The following TCERG1L variants were observed in gnomAD, a reference collection of about 807,000 sequenced individuals.
The protein encoded by TCERG1L is transcription elongation regulator 1 like.
TCERG1L carries 37 observed loss-of-function variants against 56.3 expected under a neutral mutation model. The observed-to-expected ratio is 0.66, with a 90% CI of 0.51 to 0.87. The LOEUF is 0.87. Ranked by LOEUF, TCERG1L falls within the 40% of genes least tolerant of loss-of-function variation. The pLI, the probability that TCERG1L is intolerant of heterozygous loss-of-function variation, is 0.00. For synonymous variants in TCERG1L, 324 were observed against 326.3 expected (o/e 0.99, Z 0.08); for missense variants, 799 against 774.2 (o/e 1.03, Z -0.38).
At chr10:131,187,502 C>T (rs149951074) in intron 4 of TCERG1L, among the ~76,000 whole-genome samples, 4,248 of 152,238 alleles carry the variant, frequency 0.028, 64 homozygotes, top group Non-Finnish European at 0.038. Flanking sequence ...CCAGGGCCGG[C>T]GCCCATCTCC....
chr10:131,204,915 G>C (rs1018779985), intron 4 of TCERG1L, among the ~76,000 whole-genome samples: 20 of 152,268 alleles, frequency 1.3e-4, no homozygotes, highest in African/African-American at 4.6e-4. Flanking sequence ...CTTTCTGCTT[G>C]AAGTCCAGGG....
chr10:131,223,427 G>C (rs1845756962), intron 4 of TCERG1L, among the ~76,000 whole-genome samples: 1 of 152,208 alleles, frequency 6.6e-6, no homozygotes, highest in African/African-American at 2.4e-5. Flanking sequence ...TCCAGAGAGA[G>C]CTAGATGCCG....
intron 9 of TCERG1L, among the ~76,000 whole-genome samples, chr10:131,110,496 C>G (rs923200115): frequency 6.6e-6 from 1 of 152,192 alleles, no homozygotes; most frequent in Non-Finnish European, 1.5e-5. Flanking sequence ...ACCCTGAGCA[C>G]CCACAGCAGC....
intron 4 of TCERG1L, among the ~76,000 whole-genome samples, chr10:131,234,586 T>G (rs1564822029): frequency 6.6e-6 from 1 of 152,176 alleles, no homozygotes; most frequent in Non-Finnish European, 1.5e-5. Context: ...AAGAGTGTAC[T>G]CATTTATTCT....
intron 4 of TCERG1L, among the ~76,000 whole-genome samples, chr10:131,183,099 G>A (rs369296206): frequency 3.3e-5 from 5 of 151,982 alleles, no homozygotes; most frequent in South Asian, 2.1e-4. Context: ...GGCCAGCCCC[G>A]AATACACACA....
rs549527441 is a variant in TCERG1L at position 131,181,387 on chromosome 10, G to A, written c.857-14502C>T. On this transcript the variant is annotated intron_variant, in intron 4 of 11. Transcript: ENST00000368642. The stretch of plus-strand genomic sequence containing the variant: ...GAGGTCTGCGATTGGGCGGGCCTGG[G>A]CACAGCACTCAGCTCAGCTACTTCC... Among the ~76,000 whole-genome samples the A allele has an allele frequency of 3.3e-5, 5 of 152,370 alleles. No individual in the cohort carries two copies. In the South Asian group the frequency reaches 1.0e-3, roughly 32 times the overall value.
chr10:131,122,534 A>T (rs1467680045), intron 8 of TCERG1L, among the ~76,000 whole-genome samples: 1 of 152,232 alleles, frequency 6.6e-6, no homozygotes, highest in African/African-American at 2.4e-5. Flanking sequence ...ACACATTAGC[A>T]TACTGGCAGC....
chr10:131,255,267 G>T (rs569303755), intron 4 of TCERG1L, among the ~76,000 whole-genome samples: 2 of 152,338 alleles, frequency 1.3e-5, no homozygotes, highest in African/African-American at 4.8e-5. Context: ...TACCACCACT[G>T]CACATGCCAG....
chr10:131,141,977 A>G (rs1220267621), intron 7 of TCERG1L, among the ~76,000 whole-genome samples: 1 of 151,794 alleles, frequency 6.6e-6, no homozygotes, highest in Non-Finnish European at 1.5e-5. Flanking sequence ...CCACCCTCAC[A>G]CTCGACTTTC....
intron 4 of TCERG1L, among the ~76,000 whole-genome samples, chr10:131,206,960 G>C (rs933963992): frequency 3.3e-5 from 5 of 152,132 alleles, no homozygotes; most frequent in Non-Finnish European, 7.4e-5. Context: ...AACTCTGTTT[G>C]TTCCTAATTC....
At chr10:131,119,048 C>A (rs1845487533) in intron 8 of TCERG1L, among the ~76,000 whole-genome samples, 1 of 152,142 alleles carries the variant, frequency 6.6e-6, no homozygotes, top group South Asian at 2.1e-4. Context: ...AAAGATTACA[C>A]TACTTCCTCA....
chr10:131,117,827 T>C (rs1034893919), intron 8 of TCERG1L, among the ~76,000 whole-genome samples: 2 of 152,238 alleles, frequency 1.3e-5, no homozygotes, highest in Admixed American at 1.3e-4. Flanking sequence ...GGTTCTACAC[T>C]GGATTCTAAG....
intron 9 of TCERG1L, among the ~76,000 whole-genome samples, chr10:131,105,284 G>C (rs1231008085): frequency 1.3e-5 from 2 of 152,204 alleles, no homozygotes; most frequent in African/African-American, 4.8e-5. Context: ...GACAGTGGTG[G>C]CCGTGGTCGG....
chr10:131,233,195 T>C (rs1845870846), intron 4 of TCERG1L, among the ~76,000 whole-genome samples: 1 of 152,170 alleles, frequency 6.6e-6, no homozygotes, highest in African/African-American at 2.4e-5. Flanking sequence ...GTACAGATCA[T>C]ACATCGCGAG....
chr10:131,215,680 A>C (rs1385335722), intron 4 of TCERG1L, among the ~76,000 whole-genome samples: 1 of 152,096 alleles, frequency 6.6e-6, no homozygotes, highest in Non-Finnish European at 1.5e-5. Flanking sequence ...GGCTGTGGAG[A>C]GGGAAGAGGA....
chr10:131,282,525 A>G (rs1029842333), intron 3 of TCERG1L, among the ~76,000 whole-genome samples: 10 of 152,220 alleles, frequency 6.6e-5, no homozygotes, highest in African/African-American at 2.2e-4. Context: ...ACTTTTCACT[A>G]GAAGTTGATT....
In TCERG1L at chr10:131,220,315, G is replaced by T. The variant is rs80235844; in HGVS notation, c.856+39944C>A. Among the ~76,000 whole-genome samples, 704 of 152,320 alleles carry T rather than the reference G, an allele frequency of 4.6e-3. 7 individuals carry two copies. Among genetic ancestry groups the T allele is most frequent in the African/African-American group, 0.016 (668 of 41,576 alleles). Reference sequence around the variant, plus strand: ...CCACTCACCCCAGCCCCATCCTCCAGGGCTCTTGGCTTAGGGCCCAGGTTA... The same window carrying T: ...CCACTCACCCCAGCCCCATCCTCCATGGCTCTTGGCTTAGGGCCCAGGTTA... On this transcript the variant is annotated intron_variant, in intron 4 of 11. Transcript: ENST00000368642.
At chr10:131,243,406 C>G (rs1054020152) in intron 4 of TCERG1L, among the ~76,000 whole-genome samples, 1 of 152,120 alleles carries the variant, frequency 6.6e-6, no homozygotes, top group Non-Finnish European at 1.5e-5. Flanking sequence ...ACGTTGCAAA[C>G]CCCGTCTCTA....
intron 8 of TCERG1L, among the ~76,000 whole-genome samples, chr10:131,125,608 T>A (rs960504998): frequency 6.6e-6 from 1 of 152,220 alleles, no homozygotes; most frequent in Non-Finnish European, 1.5e-5. Context: ...GAAACGTGCC[T>A]CTGGCAGCTA....
Sources: gnomAD v4.1 joint callset for allele counts (sites outside exome capture counted in the v4.1 genomes callset) on GRCh38, gnomAD v4.1.1 for gene constraint, MANE v1.5 for transcripts, NCBI Gene and HGNC (gene_info 2026-07-23, HGNC 2026-07-21) for gene names.